The following ARAP2 variants were observed in gnomAD, a reference collection of about 807,000 sequenced individuals.
The protein encoded by ARAP2 is arf-GAP with Rho-GAP domain, ANK repeat and PH domain-containing protein 2.
Under a neutral mutation model 194.5 loss-of-function variants are expected in ARAP2, and 148 were observed. That is an observed-to-expected ratio of 0.76 (90% CI 0.67 to 0.87). ARAP2 has a LOEUF of 0.87. Ranked by LOEUF, ARAP2 falls within the 40% of genes least tolerant of loss-of-function variation. ARAP2 has a pLI of 0.00. For synonymous variants in ARAP2, 695 were observed against 683.5 expected, an observed-to-expected ratio of 1.02 and a Z score of -0.26; for missense variants, 2,128 against 1,989.7, an observed-to-expected ratio of 1.07 and a Z score of -1.32.
intron 5 of ARAP2, among the ~76,000 whole-genome samples, chr4:36,040,525 G>A (rs1396181711): frequency 6.8e-6 from 1 of 146,752 alleles, no homozygotes; most frequent in Non-Finnish European, 1.6e-5. Context: ...TCTTTGAGCA[G>A]TACTTTGGAA....
chr4:36,104,935 A>G (rs931191915), intron 27 of ARAP2, among the ~76,000 whole-genome samples: 3 of 151,922 alleles, frequency 2.0e-5, no homozygotes, highest in Non-Finnish European at 4.4e-5. Flanking sequence ...CAAGATGCAT[A>G]TTTGTTGGAT....
At chr4:36,152,522 C>T (rs1731237450) in intron 15 of ARAP2, among the ~76,000 whole-genome samples, 1 of 151,996 alleles carries the variant, frequency 6.6e-6, no homozygotes. Flanking sequence ...CATAGATAAT[C>T]ACTGGCATAG....
chr4:36,068,079 G>A lies in ARAP2; in HGVS notation c.4943C>T (p.Pro1648Leu). Residue 1648 changes from proline (P) to leucine (L), a missense_variant, in exon 33 of 33, where the codon CCA becomes CTA. By Grantham distance (98) the Pro-to-Leu change is moderately conservative. Coordinates refer to ENST00000303965, the MANE Select transcript of ARAP2 (RefSeq NM_015230.4). ...TGTCTTTAGGCCTTTATGGCCTTTT[G>A]GTTGCCCAAGTGGGGCTTCAGGCTC... ...DTEPEAPLGQ[P>L]KGHKGLKTLR... is the part of the protein sequence containing the mutation. 6 of 1,614,012 alleles carry A rather than the reference G, an allele frequency of 3.7e-6. No individual in the cohort carries two copies. Among genetic ancestry groups the A allele is most frequent in the Non-Finnish European group, 5.1e-6 (6 of 1,179,986 alleles).
At chr4:36,017,417 G>A (rs1020453882) in intron 6 of ARAP2, among the ~76,000 whole-genome samples, 1 of 151,292 alleles carries the variant, frequency 6.6e-6, no homozygotes, top group Non-Finnish European at 1.5e-5. Flanking sequence ...TGTATGTCAG[G>A]TCATGATGAG....
intron 9 of ARAP2, among the ~76,000 whole-genome samples, chr4:36,167,851 C>G (rs191461474): frequency 6.6e-6 from 1 of 152,182 alleles, no homozygotes; most frequent in African/African-American, 2.4e-5. Context: ...CATCATCTAC[C>G]CACATGGATT....
intron 32 of ARAP2, 80 bp downstream of exon 32, chr4:36,073,605 GAAGT>G: frequency 6.9e-7 from 1 of 1,441,854 alleles, no homozygotes. Context: ...TGAAGCCAAT[GAAGT>G]AATTAATGAC....
chr4:36,182,159 G>A (rs562721749), intron 8 of ARAP2, among the ~76,000 whole-genome samples: 42 of 152,270 alleles, frequency 2.8e-4, no homozygotes, highest in African/African-American at 9.4e-4. Flanking sequence ...CAGATCATGC[G>A]GGGTTTTTGG....
At chr4:36,220,654 C>T (rs987066020) in intron 2 of ARAP2, among the ~76,000 whole-genome samples, 52 of 151,754 alleles carry the variant, frequency 3.4e-4, no homozygotes, top group Non-Finnish European at 6.8e-4. Context: ...ATGACAGCTC[C>T]ATGCATGTAA....
At chr4:36,055,961 C>T (rs923608153) in intron 2 of ARAP2, among the ~76,000 whole-genome samples, 1 of 152,160 alleles carries the variant, frequency 6.6e-6, no homozygotes, top group African/African-American at 2.4e-5. Context: ...TAGCACAAAC[C>T]AGATAAATTC....
At chr4:36,164,005 A>G (rs888070762) in intron 11 of ARAP2, among the ~76,000 whole-genome samples, 5 of 152,230 alleles carry the variant, frequency 3.3e-5, no homozygotes, top group Admixed American at 3.3e-4. Flanking sequence ...TGCACTACTC[A>G]CTGCGCTCTA....
At chr4:36,224,359 A>T (rs1749837482) in intron 2 of ARAP2, among the ~76,000 whole-genome samples, 1 of 151,998 alleles carries the variant, frequency 6.6e-6, no homozygotes, top group Non-Finnish European at 1.5e-5. Context: ...GGTTTTCATA[A>T]TATCTAACTA....
At position 36,013,366 on chromosome 4, in the gene ARAP2, T is replaced by C. The variant is rs543289311; in HGVS notation, n.1057-535A>G. Among the ~76,000 whole-genome samples the C allele has an allele frequency of 1.2e-3, 177 of 152,322 alleles. 1 individual carries two copies. The highest frequency in any genetic ancestry group is 4.1e-3 in the African/African-American group (172 of 41,572). ...AATAAATAGTTGCTGCTAGTATAAA[T>C]GTCTCTCCCTAGAAGAATCTACTAA... On this transcript the variant is annotated intron_variant and non_coding_transcript_variant, in intron 8 of 12. Transcript: ENST00000503225.
At chr4:36,023,016 T>C (rs757937975) in intron 5 of ARAP2, among the ~76,000 whole-genome samples, 13 of 152,208 alleles carry the variant, frequency 8.5e-5, no homozygotes, top group Admixed American at 7.9e-4. Context: ...TAAAGTCCCA[T>C]GCAGTGTTGC....
intron 5 of ARAP2, among the ~76,000 whole-genome samples, chr4:36,024,453 A>G (rs369770903): frequency 6.6e-6 from 1 of 152,174 alleles, no homozygotes; most frequent in Non-Finnish European, 1.5e-5. Flanking sequence ...AATGCTAGGT[A>G]CTTTGTTCAG....
rs937522030 is a variant in ARAP2 at position 36,158,710 on chromosome 4, A to T, written c.2752+20T>A. 1.3e-6 allele frequency: 2 copies of T among 1,575,134 alleles called. No individual in the cohort carries two copies. Among genetic ancestry groups the T allele is most frequent in the Admixed American group, 3.7e-5 (2 of 54,008 alleles). On this transcript the variant is annotated intron_variant, in intron 15 of 32. Coordinates refer to ENST00000303965, the MANE Select transcript of ARAP2 (RefSeq NM_015230.4). ...ATAAAGTTTTTATCTGATAATATCT[A>T]AAAAGAAGAGAAAAAATACCTTCAA...
chr4:36,221,388 G>A (rs932123856), intron 2 of ARAP2, among the ~76,000 whole-genome samples: 1 of 151,958 alleles, frequency 6.6e-6, no homozygotes, highest in Non-Finnish European at 1.5e-5. Flanking sequence ...ATTTTTAAAA[G>A]TAGGTAAAAT....
chr4:36,126,922 G>A (rs1724069847), intron 21 of ARAP2, among the ~76,000 whole-genome samples: 1 of 151,968 alleles, frequency 6.6e-6, no homozygotes, highest in Admixed American at 6.6e-5. Context: ...ACTGAAGCTT[G>A]GAATTCCTGG....
chr4:36,061,997 AG>A (rs1423010629), downstream of ARAP2, among the ~76,000 whole-genome samples: 2 of 152,292 alleles, frequency 1.3e-5, no homozygotes, highest in Admixed American at 6.5e-5. Context: ...TCAAATTATT[AG>A]ATTTTTTCCT....
chr4:36,098,309 A>T (rs1173475960), intron 27 of ARAP2, among the ~76,000 whole-genome samples: 1 of 152,054 alleles, frequency 6.6e-6, no homozygotes, highest in Non-Finnish European at 1.5e-5. Context: ...TTGGGACTCA[A>T]TTCCACTTCA....
Sources: allele counts gnomAD v4.1 joint callset (sites outside exome capture counted in the v4.1 genomes callset), GRCh38; gene constraint gnomAD v4.1.1; transcripts MANE v1.5; gene names NCBI Gene and HGNC (gene_info 2026-07-23, HGNC 2026-07-21).